The following JPH4 variants were observed in gnomAD, a reference collection of about 807,000 sequenced individuals.
JPH4 encodes junctophilin 4.
JPH4 carries 18 observed loss-of-function variants against 57.6 expected under a neutral mutation model. The observed-to-expected ratio is 0.31, with a 90% CI of 0.22 to 0.46. JPH4 has a LOEUF of 0.46. Ranked by LOEUF, JPH4 falls within the 20% of genes least tolerant of loss-of-function variation. JPH4 has a pLI of 1.00. For synonymous variants in JPH4, 425 were observed against 406.6 expected (o/e 1.05, Z -0.54); for missense variants, 727 against 911.1 (o/e 0.80, Z 2.60).
At chr14:23,573,963 C>CAA (rs1889211464) in intron 3 of JPH4, among the ~76,000 whole-genome samples, 1 of 151,898 alleles carries the variant, frequency 6.6e-6, no homozygotes, top group African/African-American at 2.4e-5. Flanking sequence ...CACACACACA[C>CAA]ACACACGCAC....
In JPH4 at chr14:23,569,801, G is replaced by A. The variant is rs1312739208; in HGVS notation, c.1804-84C>T. On this transcript the variant is annotated intron_variant, in intron 5 of 5. Coordinates refer to ENST00000356300, the MANE Select transcript of JPH4 (RefSeq NM_001146028.2). This position sits in a 1 kb window ranked among gnomAD's most constrained non-coding sequence, Gnocchi z 4.8. ...CCTGACTGAGGTGGCAGAGCTGAAG[G>A]GTCTCAGGCACCTCCCTGCACAGCC... The A allele has an allele frequency of 3.5e-6, 3 of 861,592 alleles. No individual in the cohort carries two copies. The highest frequency in any genetic ancestry group is 3.4e-5 in the African/African-American group (2 of 58,508). The allele number at this position is 861,592 out of a possible 1,614,324, so 53.4% of individuals were successfully genotyped here. A position where few individuals can be genotyped will look rare whatever the true frequency, so the allele number is the denominator to read the frequency against.
chr14:23,573,493 T>C (rs1348556134), intron 3 of JPH4, among the ~76,000 whole-genome samples: 1 of 152,196 alleles, frequency 6.6e-6, no homozygotes, highest in Non-Finnish European at 1.5e-5. Context: ...TTGAGTTATT[T>C]TGGTGGCCTG....
chr14:23,571,175 C>A lies in JPH4; in HGVS notation c.1556G>T (p.Gly519Val). Residue 519 changes from glycine (G) to valine (V), a missense_variant, in exon 5 of 6, where the codon GGG (glycine) becomes GTG (valine). By Grantham distance (109) the Gly-to-Val change is moderately radical (BLOSUM62 -3). Transcript: ENST00000356300. The surrounding 1 kb of genome is among the most constrained non-coding windows in gnomAD (Gnocchi z 4.6). ...LAGYEAEDEA[G>V]MQGPGPRDGS... ...GTCTCTGGGCCCTGGCCCTTGCATC[C>A]CAGCCTCATCCTCAGCCTCATAGCC... 1 of 1,614,092 alleles carries A rather than the reference C, an allele frequency of 6.2e-7. No homozygotes were observed. Among genetic ancestry groups the A allele is most frequent in the Non-Finnish European group, 8.5e-7 (1 of 1,179,980 alleles).
rs550675339 is a variant in JPH4 at position 23,571,718 on chromosome 14, G to A, written c.1270+84C>T. 1.5e-6 allele frequency: 2 copies of A among 1,299,122 alleles called. No individual in the cohort carries two copies. The highest frequency in any genetic ancestry group is 2.9e-5 in the African/African-American group (2 of 68,504). 80.5% of individuals were successfully genotyped at this position (1,299,122 alleles called of 1,614,324 possible). ...TTTCCCATCCCCACTTCCCTTGCAG[G>A]GCTTCTCATCTGTTTCCCCACACCT... On this transcript the variant is annotated intron_variant, in intron 4 of 5. Coordinates refer to ENST00000356300, the MANE Select transcript of JPH4 (RefSeq NM_001146028.2). This position sits in a 1 kb window ranked among gnomAD's most constrained non-coding sequence, Gnocchi z 4.6.
intron 5 of JPH4, 86 bp downstream of exon 5, chr14:23,570,842 C>CA (rs1889115033): frequency 7.7e-7 from 1 of 1,300,162 alleles, no homozygotes; most frequent in African/African-American, 1.5e-5. Context: ...AGATAAAAAG[C>CA]CCCCCCGGTG....
In JPH4 at chr14:23,571,162, T is replaced by C; in HGVS notation, c.1569A>G (p.Pro523=). 1.2e-6 allele frequency: 2 copies of C among 1,614,082 alleles called. No individual in the cohort carries two copies. The highest frequency in any genetic ancestry group is 1.7e-6 in the Non-Finnish European group (2 of 1,179,992). ...GGAGTGGGGAACCGTCTCTGGGCCC[T>C]GGCCCTTGCATCCCAGCCTCATCCT... ...EAEDEAGMQG[P]GPRDGSPLLG... The change falls in exon 5 of 6, where the codon CCA becomes CCG. Residue 523 remains proline, a synonymous_variant. Coordinates refer to ENST00000356300, the MANE Select transcript of JPH4 (RefSeq NM_001146028.2). The surrounding 1 kb of genome is among the most constrained non-coding windows in gnomAD (Gnocchi z 4.6).
In JPH4 at chr14:23,568,335, A is replaced by G; in HGVS notation, c.*1299T>C. ...TCTGCCTCATGCAGGGGAGGGAGGA[A>G]AGATCCCCTGGGGACCCTGCAGTCC... On this transcript the variant is annotated 3_prime_UTR_variant, in exon 6 of 6. Transcript: ENST00000356300. 1.0e-6 allele frequency: 1 copy of G among 985,766 alleles called. No homozygotes were observed. The highest frequency in any genetic ancestry group is 1.2e-6 in the Non-Finnish European group (1 of 829,930). 61.1% of individuals were successfully genotyped at this position (985,766 alleles called of 1,614,324 possible).
chr14:23,576,325 G>T lies in JPH4; in HGVS notation c.511C>A (p.Pro171Thr). Reference protein sequence around the residue: ...TSLDSGHSDPPTPPPPLPLPG... With the variant: ...TSLDSGHSDPTTPPPPLPLPG... ...AAGGGCAGGGGCGGGGGTGGCGTCG[G>T]GGGGTCGCTGTGGCCGGAATCCAGG... is the stretch of plus-strand genomic sequence containing the variant. Residue 171 changes from proline (P) to threonine (T), a missense_variant, in exon 3 of 6, where the codon CCG becomes ACG. Physicochemically the swap from Pro to Thr is conservative, Grantham distance 38. This residue lies in a region of JPH4 where 131 missense variants were observed against 156.5 expected (regional missense o/e 0.84). Coordinates refer to ENST00000356300, the MANE Select transcript of JPH4 (RefSeq NM_001146028.2). The surrounding 1 kb of genome is among the most constrained non-coding windows in gnomAD (Gnocchi z 8.0). The T allele has an allele frequency of 7.7e-7, 1 of 1,294,998 alleles. No homozygotes were observed. The highest frequency in any genetic ancestry group is 9.8e-7 in the Non-Finnish European group (1 of 1,024,352). 80.2% of individuals were successfully genotyped at this position (1,294,998 alleles called of 1,614,324 possible).
rs996263986 is a variant in JPH4, at chr14:23,576,681, T to C, written c.380-225A>G. 6.6e-6 allele frequency among the ~76,000 whole-genome samples: 1 copy of C among 151,778 alleles called. No homozygotes were observed. Among genetic ancestry groups the C allele is most frequent in the African/African-American group, 2.4e-5 (1 of 41,294 alleles). ...GCAGGTAGCAGGAGCCCTACGTGGATTTTGGCAGTGCGGGTAAACAGGGGA... is the reference window on the plus strand; with the variant it reads ...GCAGGTAGCAGGAGCCCTACGTGGACTTTGGCAGTGCGGGTAAACAGGGGA... On this transcript the variant is annotated intron_variant, in intron 2 of 5. Transcript: ENST00000356300. This position sits in a 1 kb window ranked among gnomAD's most constrained non-coding sequence, Gnocchi z 8.0.
Position 23,575,999 on chromosome 14 carries a change from T to C in JPH4, c.837A>G (p.Thr279=), listed in dbSNP as rs1889262943. Residue 279 remains threonine (T), a synonymous_variant, in exon 3 of 6, where the codon ACA becomes ACG. Transcript: ENST00000356300. This position sits in a 1 kb window ranked among gnomAD's most constrained non-coding sequence, Gnocchi z 6.9. The part of the protein sequence containing the change: ...APPALIEGSA[T]EVYAGEWRAD... ...CGCGCCACTCGCCCGCGTACACCTC[T>C]GTGGCCGAGCCCTCGATGAGGGCGG... 6.9e-7 allele frequency: 1 copy of C among 1,449,820 alleles called. No homozygotes were observed. The highest frequency in any genetic ancestry group is 1.5e-5 in the South Asian group (1 of 68,470). 89.8% of individuals were successfully genotyped at this position (1,449,820 alleles called of 1,614,324 possible).
chr14:23,571,507 C>A lies in JPH4; in HGVS notation c.1271-47G>T. The A allele has an allele frequency of 1.3e-6, 2 of 1,570,672 alleles. No homozygotes were observed. The highest frequency in any genetic ancestry group is 1.2e-5 in the South Asian group (1 of 86,708). On this transcript the variant is annotated intron_variant, in intron 4 of 5. Transcript: ENST00000356300. The surrounding 1 kb of genome is among the most constrained non-coding windows in gnomAD (Gnocchi z 4.6). ...TCAGAGGGGCCTAACTGGCCTTGGG[C>A]TGGAGTGGCTGCAGCTTTATTCCTG...
intron 3 of JPH4, chr14:23,572,781 C>A: frequency 1.5e-6 from 1 of 675,876 alleles, no homozygotes; most frequent in Admixed American, 2.2e-5. Flanking sequence ...CTCACCATTG[C>A]AACTACACTT....
chr14:23,571,532 G>A lies in JPH4; in HGVS notation c.1271-72C>T. 6.5e-7 allele frequency: 1 copy of A among 1,527,328 alleles called. No homozygotes were observed. The highest frequency in any genetic ancestry group is 1.2e-5 in the South Asian group (1 of 82,276). The allele number at this position is 1,527,328 out of a possible 1,614,324, so 94.6% of individuals were successfully genotyped here. ...CTGGAGTGGCTGCAGCTTTATTCCT[G>A]ACTGGGCACTTCCCAGGACTTTGGA... On this transcript the variant is annotated intron_variant, in intron 4 of 5. Transcript: ENST00000356300. This position sits in a 1 kb window ranked among gnomAD's most constrained non-coding sequence, Gnocchi z 4.6.
Position 23,577,100 on chromosome 14 carries a change from G to A in JPH4, c.354C>T (p.Tyr118=). 6.4e-7 allele frequency: 1 copy of A among 1,566,052 alleles called. No individual in the cohort carries two copies. The highest frequency in any genetic ancestry group is 8.6e-7 in the Non-Finnish European group (1 of 1,162,290). Residue 118 remains tyrosine (Y), a synonymous_variant, in exon 2 of 6, where the codon TAC becomes TAT. Coordinates refer to ENST00000356300, the MANE Select transcript of JPH4 (RefSeq NM_001146028.2). The surrounding 1 kb of genome is among the most constrained non-coding windows in gnomAD (Gnocchi z 8.4). ...GLWKDGFQDG[Y]GTETYSDGGT... is the part of the protein sequence containing the mutation. The stretch of plus-strand genomic sequence containing the variant: ...CTCCGTCGGAGTAGGTCTCAGTGCC[G>A]TAGCCGTCCTGGAAACCGTCCTTCC...
intron 3 of JPH4, among the ~76,000 whole-genome samples, chr14:23,574,716 T>G (rs1209864010): frequency 6.6e-6 from 1 of 152,264 alleles, no homozygotes; most frequent in Non-Finnish European, 1.5e-5. Flanking sequence ...AATTTTATAC[T>G]GGTTACCAGT....
rs1445893561 is a variant in JPH4 at position 23,576,414 on chromosome 14, T to A, written c.422A>T (p.Tyr141Phe). ...GQWQAGKRHG[Y>F]GVRQSVPYHQ... The stretch of plus-strand genomic sequence containing the variant: ...GTAGGGCACACTCTGGCGTACCCCG[T>A]AGCCGTGGCGCTTCCCGGCCTGCCA... Residue 141 changes from tyrosine (Y) to phenylalanine (F), a missense_variant, in exon 3 of 6, where the codon TAC (tyrosine) becomes TTC (phenylalanine). Around this residue, in one of 7 missense-constraint regions of JPH4, gnomAD observed 90 missense variants for 88.1 expected, o/e 1.02. Transcript: ENST00000356300. This position sits in a 1 kb window ranked among gnomAD's most constrained non-coding sequence, Gnocchi z 8.0. The A allele has an allele frequency of 7.0e-7, 1 of 1,435,008 alleles. No individual in the cohort carries two copies. Among genetic ancestry groups the A allele is most frequent in the Admixed American group, 2.7e-5 (1 of 36,502 alleles). The allele number at this position is 1,435,008 out of a possible 1,614,324, so 88.9% of individuals were successfully genotyped here.
In JPH4 at chr14:23,577,554, G is replaced by C; in HGVS notation, c.-101C>G. 4 of 1,087,140 alleles carry C rather than the reference G, an allele frequency of 3.7e-6. No individual in the cohort carries two copies. In the South Asian group the frequency reaches 6.6e-5, roughly 18 times the overall value. The allele number at this position is 1,087,140 out of a possible 1,614,324, so 67.3% of individuals were successfully genotyped here. A position where few individuals can be genotyped will look rare whatever the true frequency, so the allele number is the denominator to read the frequency against. On this transcript the variant is annotated 5_prime_UTR_variant, in exon 2 of 6. Transcript: ENST00000356300. This position sits in a 1 kb window ranked among gnomAD's most constrained non-coding sequence, Gnocchi z 8.4. The stretch of plus-strand genomic sequence containing the variant: ...GAGCCGGGCGAGGCCTCGGGGCGGG[G>C]GCAGTTAGACCGGGGCCGGGCGGGG...
Position 23,577,169 on chromosome 14 carries a change from G to T in JPH4, c.285C>A (p.Ser95Arg). ...GEWLGGLKGR[S>R]GVWESVSGLR... ...GGCCGGACACGCTTTCCCACACGCC[G>T]CTGCGCCCCTTCAGCCCGCCCAGCC... The change falls in exon 2 of 6, where the codon AGC becomes AGA. Residue 95 changes from serine (S) to arginine (R), a missense_variant. Physicochemically the swap from Ser to Arg is moderately radical, Grantham distance 110 (BLOSUM62 -1). This residue lies in a region of JPH4 where 90 missense variants were observed against 88.1 expected (regional missense o/e 1.02). Transcript: ENST00000356300. The surrounding 1 kb of genome is among the most constrained non-coding windows in gnomAD (Gnocchi z 8.4). The T allele has an allele frequency of 6.5e-7, 1 of 1,536,444 alleles. No individual in the cohort carries two copies.
chr14:23,576,330 T>C lies in JPH4; in HGVS notation c.506A>G (p.Asp169Gly). 7.8e-7 allele frequency: 1 copy of C among 1,287,064 alleles called. No individual in the cohort carries two copies. Among genetic ancestry groups the C allele is most frequent in the South Asian group, 2.5e-5 (1 of 40,600 alleles). 79.7% of individuals were successfully genotyped at this position (1,287,064 alleles called of 1,614,324 possible). A position where few individuals can be genotyped will look rare whatever the true frequency, so the allele number is the denominator to read the frequency against. The change falls in exon 3 of 6, where the codon GAC becomes GGC. Residue 169 changes from aspartate (D) to glycine (G), a missense_variant. Around this residue, in one of 7 missense-constraint regions of JPH4, gnomAD observed 131 missense variants for 156.5 expected, o/e 0.84. Transcript: ENST00000356300. The surrounding 1 kb of genome is among the most constrained non-coding windows in gnomAD (Gnocchi z 8.0). ...RRTSLDSGHS[D>G]PPTPPPPLPL... is the part of the protein sequence containing the mutation. Reference sequence around the variant, plus strand: ...CAGGGGCGGGGGTGGCGTCGGGGGGTCGCTGTGGCCGGAATCCAGGGAGGT... The same window carrying C: ...CAGGGGCGGGGGTGGCGTCGGGGGGCCGCTGTGGCCGGAATCCAGGGAGGT...
Sources: gnomAD v4.1 joint callset for allele counts (sites outside exome capture counted in the v4.1 genomes callset) on GRCh38, gnomAD v4.1.1 for gene constraint, gnomAD v4.1.1 regional missense constraint, Gnocchi (gnomAD v3.1) non-coding constraint, MANE v1.5 for transcripts, NCBI Gene and HGNC (gene_info 2026-07-23, HGNC 2026-07-21) for gene names.